The following PIK3C2G variants were observed in gnomAD, a reference collection of about 807,000 sequenced individuals.
PIK3C2G encodes the protein phosphatidylinositol-4-phosphate 3-kinase catalytic subunit type 2 gamma.
PIK3C2G carries 168 observed loss-of-function variants against 181.1 expected under a neutral mutation model. The observed-to-expected ratio is 0.93, with a 90% CI of 0.82 to 1.05. The LOEUF (loss-of-function observed/expected upper bound fraction) is 1.05, where lower values mean the gene tolerates loss of function less well. PIK3C2G is among the 50% of genes least tolerant of loss of function. PIK3C2G has a pLI of 0.00. For missense variants in PIK3C2G, 1,869 were observed against 1,732.8 expected (o/e 1.08, Z -1.40); for synonymous variants, 573 against 592.2 (o/e 0.97, Z 0.47).
chr12:18,676,866 AAAT>A, the PIK3C2G span, among the ~76,000 whole-genome samples: 13 of 152,246 alleles, frequency 8.5e-5, no homozygotes, highest in East Asian at 2.5e-3. Context: ...CAGCCATGTA[AAAT>A]AATAATAACA....
chr12:18,272,505 C>T (rs951890258), intron 1 of PIK3C2G, among the ~76,000 whole-genome samples: 1 of 152,114 alleles, frequency 6.6e-6, no homozygotes, highest in Admixed American at 6.6e-5. Flanking sequence ...GCAATTTCAT[C>T]ACTTTCTTCA....
At chr12:18,306,660 C>T (rs913235137) in intron 5 of PIK3C2G, among the ~76,000 whole-genome samples, 1 of 152,002 alleles carries the variant, frequency 6.6e-6, no homozygotes, top group African/African-American at 2.4e-5. Flanking sequence ...CAAGTGTGCA[C>T]ATACACATAA....
chr12:18,514,316 G>A (rs1185719855), intron 24 of PIK3C2G, among the ~76,000 whole-genome samples: 2 of 151,820 alleles, frequency 1.3e-5, no homozygotes, highest in Non-Finnish European at 3.0e-5. Context: ...CTATTGGATG[G>A]AATGTTTTGT....
rs114897855 is a variant in PIK3C2G, at chr12:18,470,261, G to A, written c.2505-18188G>A. On this transcript the variant is annotated intron_variant, in intron 18 of 32. Coordinates refer to ENST00000538779, the MANE Select transcript of PIK3C2G (RefSeq NM_001288772.2). Reference sequence around the variant, plus strand: ...CAGCATTTGGGTTGAGTTAGTCAAGGCCAACCAGAATATTTTTCAAGGCTG... The same window carrying A: ...CAGCATTTGGGTTGAGTTAGTCAAGACCAACCAGAATATTTTTCAAGGCTG... Among the ~76,000 whole-genome samples the A allele has an allele frequency of 8.8e-3, 1,336 of 152,120 alleles. 21 individuals carry two copies. The highest frequency in any genetic ancestry group is 0.031 in the African/African-American group (1,272 of 41,490).
the PIK3C2G span, chr12:18,705,301 T>G: frequency 6.2e-7 from 1 of 1,614,126 alleles, no homozygotes; most frequent in Non-Finnish European, 8.5e-7. Context: ...AGAGCACCAC[T>G]GGGTAGTCAG....
intron 29 of PIK3C2G, among the ~76,000 whole-genome samples, chr12:18,588,589 T>A (rs1946910110): frequency 6.6e-6 from 1 of 151,808 alleles, no homozygotes; most frequent in African/African-American, 2.4e-5. Flanking sequence ...AGTCAAAAAA[T>A]AACAGGTGCT....
chr12:18,271,481 G>A (rs917213268), intron 1 of PIK3C2G, among the ~76,000 whole-genome samples: 1 of 152,034 alleles, frequency 6.6e-6, no homozygotes, highest in Non-Finnish European at 1.5e-5. Flanking sequence ...ATACATTCAG[G>A]GCAATGAGAT....
At chr12:18,421,141 GC>G in intron 17 of PIK3C2G, 107 bp downstream of exon 17, 1 of 543,968 alleles carries the variant, frequency 1.8e-6, no homozygotes, top group Non-Finnish European at 3.3e-6. Context: ...TTGCAATTTG[GC>G]CACCCAAGGG....
At chr12:18,408,466 C>A (rs769110490) in intron 16 of PIK3C2G, among the ~76,000 whole-genome samples, 2 of 152,070 alleles carry the variant, frequency 1.3e-5, no homozygotes, top group African/African-American at 4.8e-5. Context: ...ATTATGGAAG[C>A]CTTGTAGTAT....
At chr12:18,524,298 C>T (rs984227385) in intron 24 of PIK3C2G, among the ~76,000 whole-genome samples, 1 of 152,102 alleles carries the variant, frequency 6.6e-6, no homozygotes, top group Non-Finnish European at 1.5e-5. Flanking sequence ...CAAAGAGAAC[C>T]ATTTCTTTTA....
chr12:18,479,492 G>A (rs1939346561), intron 18 of PIK3C2G, among the ~76,000 whole-genome samples: 1 of 152,168 alleles, frequency 6.6e-6, no homozygotes, highest in African/African-American at 2.4e-5. Flanking sequence ...TCATCTGTGA[G>A]AAGGAAGAAA....
intron 18 of PIK3C2G, among the ~76,000 whole-genome samples, chr12:18,464,767 G>A (rs1456416769): frequency 3.9e-5 from 6 of 151,972 alleles, no homozygotes; most frequent in Admixed American, 2.6e-4. Flanking sequence ...GTTTTTGTTT[G>A]TAAATTCTAG....
rs150946549 is a variant in PIK3C2G, at chr12:18,564,660, G to A, written c.3902+1162G>A. Among the ~76,000 whole-genome samples, 88 of 152,060 alleles carry A rather than the reference G, an allele frequency of 5.8e-4. No individual in the cohort carries two copies. In the East Asian group the frequency reaches 0.016, roughly 28 times the overall value. On this transcript the variant is annotated intron_variant, in intron 28 of 32. Transcript: ENST00000538779. ...CTCAAGAGACTGAGAGGGAGGCAAAGTCATTCTGGCAACTTTTAGAAGGAA... is the reference window on the plus strand; with the variant it reads ...CTCAAGAGACTGAGAGGGAGGCAAAATCATTCTGGCAACTTTTAGAAGGAA...
intron 31 of PIK3C2G, among the ~76,000 whole-genome samples, 167 bp from the exon 32 acceptor site, chr12:18,640,262 T>C (rs1220048260): frequency 6.6e-6 from 1 of 152,154 alleles, no homozygotes; most frequent in Non-Finnish European, 1.5e-5. Context: ...TAGTTTGGAA[T>C]TATCTTTGAG....
At chr12:18,548,900 C>G (rs1944583020) in intron 26 of PIK3C2G, among the ~76,000 whole-genome samples, 1 of 151,998 alleles carries the variant, frequency 6.6e-6, no homozygotes, top group Non-Finnish European at 1.5e-5. Context: ...CAACTACCCG[C>G]CCCCTGTCTC....
At chr12:18,671,084 G>A in the PIK3C2G span, among the ~76,000 whole-genome samples, 1 of 151,652 alleles carries the variant, frequency 6.6e-6, no homozygotes, top group Non-Finnish European at 1.5e-5. Flanking sequence ...GGCTGAGGCA[G>A]GAGAATTACT....
the PIK3C2G span, chr12:18,693,631 T>A: frequency 6.4e-7 from 1 of 1,567,020 alleles, no homozygotes; most frequent in Non-Finnish European, 8.8e-7. Context: ...TGTTTATTGA[T>A]GAAATTGACG....
chr12:18,392,809 G>C (rs547913634), intron 15 of PIK3C2G, among the ~76,000 whole-genome samples: 8 of 152,160 alleles, frequency 5.3e-5, no homozygotes, highest in African/African-American at 1.9e-4. Context: ...TGATAACAAT[G>C]TGTGTGAATA....
At chr12:18,619,967 G>T (rs370231786) in intron 31 of PIK3C2G, among the ~76,000 whole-genome samples, 2 of 151,874 alleles carry the variant, frequency 1.3e-5, no homozygotes, top group Admixed American at 6.6e-5. Flanking sequence ...CTCGTGATCC[G>T]CCCACCACGG....
Sources: allele counts gnomAD v4.1 joint callset (sites outside exome capture counted in the v4.1 genomes callset), GRCh38; gene constraint gnomAD v4.1.1; transcripts MANE v1.5; gene names NCBI Gene and HGNC (gene_info 2026-07-23, HGNC 2026-07-21).